Variants in ADGRL3 observed in about 807,000 individuals in gnomAD.
ADGRL3 encodes calcium-independent alpha-latrotoxin receptor 3.
ADGRL3 carries 62 observed loss-of-function variants against 153.5 expected under a neutral mutation model. That is an observed-to-expected ratio of 0.40 (90% confidence interval 0.33 to 0.50). The LOEUF (loss-of-function observed/expected upper bound fraction) is 0.50, where lower values mean the gene tolerates loss of function less well. ADGRL3 is among the 20% of genes least tolerant of loss of function. ADGRL3 has a pLI of 0.47. For missense variants in ADGRL3, 1,641 were observed against 1,859.4 expected (o/e 0.88, Z 2.16); for synonymous variants, 710 against 672.5 (o/e 1.06, Z -0.86).
intron 5 of ADGRL3, among the ~76,000 whole-genome samples, chr4:61,597,494 T>G (rs2098993805): frequency 6.6e-6 from 1 of 152,118 alleles, no homozygotes; most frequent in Non-Finnish European, 1.5e-5. Flanking sequence ...AATGTTCTCC[T>G]GGAGATTTGA....
chr4:61,968,539 T>C (rs2099015107), intron 17 of ADGRL3, among the ~76,000 whole-genome samples: 1 of 152,172 alleles, frequency 6.6e-6, no homozygotes, highest in Non-Finnish European at 1.5e-5. Context: ...TATTTTAACA[T>C]ATTTTTATGG....
chr4:61,841,711 T>C lies in ADGRL3; in HGVS notation c.1480+27822T>C, dbSNP rs999250944. On this transcript the variant is annotated intron_variant, in intron 9 of 26. Coordinates refer to ENST00000683033, the MANE Select transcript of ADGRL3 (RefSeq NM_001387552.1). ...TATTGGATAAAGTAAAATAAATTAC[T>C]TATCATGAGAAAAAATAATTTCCAC... Among the ~76,000 whole-genome samples the C allele has an allele frequency of 3.5e-4, 54 of 152,348 alleles. 1 individual carries two copies. Among genetic ancestry groups the C allele is most frequent in the African/African-American group, 1.2e-3 (50 of 41,588 alleles).
chr4:61,875,232 C>T (rs1429142535), intron 9 of ADGRL3, among the ~76,000 whole-genome samples: 2 of 152,058 alleles, frequency 1.3e-5, no homozygotes, highest in Non-Finnish European at 2.9e-5. Context: ...AAAGACTTTC[C>T]ACATTATTTG....
At chr4:61,906,611 G>A (rs2098696916) in intron 11 of ADGRL3, among the ~76,000 whole-genome samples, 1 of 151,866 alleles carries the variant, frequency 6.6e-6, no homozygotes, top group Admixed American at 6.6e-5. Context: ...ATAGACAATG[G>A]TAATTTACTC....
intron 9 of ADGRL3, among the ~76,000 whole-genome samples, chr4:61,852,488 T>C (rs1300989459): frequency 6.6e-6 from 1 of 151,992 alleles, no homozygotes; most frequent in Non-Finnish European, 1.5e-5. Context: ...CTAATTTTTG[T>C]CTTTTTAGTA....
chr4:61,376,337 TATAGTC>T (rs2096602187), intron 1 of ADGRL3, among the ~76,000 whole-genome samples: 1 of 152,048 alleles, frequency 6.6e-6, no homozygotes, highest in African/African-American at 2.4e-5. Context: ...CATGTGTAAT[TATAGTC>T]ATAACATAGC....
intron 5 of ADGRL3, among the ~76,000 whole-genome samples, chr4:61,660,610 G>A (rs549535001): frequency 4.6e-5 from 7 of 152,086 alleles, no homozygotes; most frequent in African/African-American, 1.7e-4. Context: ...TTTTGTCTCT[G>A]TTAATCAGGA....
chr4:61,676,865 T>C lies in ADGRL3; in HGVS notation c.513T>C (p.Pro171=), dbSNP rs1580228740. The change falls in exon 6 of 27, where the codon CCT becomes CCC. Residue 171 remains proline, a synonymous_variant. Coordinates refer to ENST00000683033, the MANE Select transcript of ADGRL3 (RefSeq NM_001387552.1). ...NRTQCAVVAG[P]DVFPDPCPGT... ...CCCAGTGTGCAGTGGTGGCAGGTCC[T>C]GATGTTTTTCCAGACCCGTGTCCAG... is the stretch of plus-strand genomic sequence containing the variant. 1 of 1,612,242 alleles carries C rather than the reference T, an allele frequency of 6.2e-7. No individual in the cohort carries two copies. Among genetic ancestry groups the C allele is most frequent in the Non-Finnish European group, 8.5e-7 (1 of 1,178,640 alleles).
chr4:61,996,214 T>A (rs529106602), intron 19 of ADGRL3, 77 bp from the exon 20 acceptor site: 125 of 850,818 alleles, frequency 1.5e-4, no homozygotes, highest in Non-Finnish European at 2.2e-4. Context: ...CACATTCTTC[T>A]CTGTCACAGG....
intron 4 of ADGRL3, among the ~76,000 whole-genome samples, chr4:61,523,203 C>T (rs1204242531): frequency 6.6e-6 from 1 of 152,026 alleles, no homozygotes; most frequent in East Asian, 1.9e-4. Context: ...TTTGTTACTA[C>T]ATTATAGTCT....
intron 21 of ADGRL3, among the ~76,000 whole-genome samples, chr4:62,013,369 A>G (rs899988027): frequency 6.6e-6 from 1 of 151,866 alleles, no homozygotes; most frequent in South Asian, 2.1e-4. Flanking sequence ...GTGGAACCCC[A>G]TCTCTACTAC....
intron 9 of ADGRL3, among the ~76,000 whole-genome samples, chr4:61,859,999 C>A (rs2098324226): frequency 6.6e-6 from 1 of 152,052 alleles, no homozygotes; most frequent in Non-Finnish European, 1.5e-5. Context: ...AGAAATATTT[C>A]TCAAAATAAA....
rs150424700 is a variant in ADGRL3, at chr4:61,363,213, G to A, written c.-239-19911G>A. ...TAATGTTAGTTTCAGGGAGATTATT[G>A]TAATATAATGAAAGCCCACAGTGCT... On this transcript the variant is annotated intron_variant, in intron 1 of 26. Coordinates refer to ENST00000683033, the MANE Select transcript of ADGRL3 (RefSeq NM_001387552.1). Among the ~76,000 whole-genome samples the A allele has an allele frequency of 2.5e-3, 385 of 152,238 alleles. 5 individuals carry two copies. Among genetic ancestry groups the A allele is most frequent in the African/African-American group, 8.5e-3 (353 of 41,564 alleles).
intron 19 of ADGRL3, among the ~76,000 whole-genome samples, chr4:61,991,575 CTG>C (rs1553904017): frequency 3.3e-5 from 5 of 151,986 alleles, no homozygotes; most frequent in Non-Finnish European, 7.4e-5. Flanking sequence ...AGATCCAAAA[CTG>C]TAGCAGAACC....
At chr4:61,664,834 G>A (rs2094727804) in intron 5 of ADGRL3, among the ~76,000 whole-genome samples, 1 of 152,122 alleles carries the variant, frequency 6.6e-6, no homozygotes, top group Non-Finnish European at 1.5e-5. Context: ...AGAATGTTGT[G>A]TAATATAATG....
intron 21 of ADGRL3, among the ~76,000 whole-genome samples, chr4:62,013,549 A>G (rs1560506335): frequency 3.3e-5 from 5 of 151,934 alleles, no homozygotes; most frequent in Non-Finnish European, 7.4e-5. Flanking sequence ...TCTCAAAAAA[A>G]AAAGAAAGAA....
chr4:62,028,526 T>G (rs1037602544), intron 21 of ADGRL3, among the ~76,000 whole-genome samples: 1 of 151,786 alleles, frequency 6.6e-6, no homozygotes, highest in African/African-American at 2.4e-5. Context: ...CCAAGATTGC[T>G]CATAAAATTT....
intron 5 of ADGRL3, among the ~76,000 whole-genome samples, chr4:61,646,731 T>G (rs939629061): frequency 6.6e-6 from 1 of 152,104 alleles, no homozygotes; most frequent in African/African-American, 2.4e-5. Context: ...TGTCTTTTTG[T>G]TTGTCTGTGC....
At chr4:61,472,488 G>C (rs1316026637) in intron 2 of ADGRL3, among the ~76,000 whole-genome samples, 1 of 151,954 alleles carries the variant, frequency 6.6e-6, no homozygotes, top group African/African-American at 2.4e-5. Flanking sequence ...CATGGCAGCT[G>C]GCCTCTCCCA....
Sources: allele counts gnomAD v4.1 joint callset (sites outside exome capture counted in the v4.1 genomes callset), GRCh38; gene constraint gnomAD v4.1.1; transcripts MANE v1.5; gene names NCBI Gene and HGNC (gene_info 2026-07-23, HGNC 2026-07-21).